Variants in CSMD2 observed in about 807,000 individuals in gnomAD.
The protein encoded by CSMD2 is CUB and sushi domain-containing protein 2.
Under a neutral mutation model 398.5 loss-of-function variants are expected in CSMD2, and 130 were observed. That is an observed-to-expected ratio of 0.33 (90% CI 0.28 to 0.38). The LOEUF (loss-of-function observed/expected upper bound fraction) is 0.38. Among genes scored for constraint, CSMD2 ranks in the 10% least tolerant of loss-of-function variants. CSMD2 has a pLI of 1.00. For synonymous variants in CSMD2, 1,828 were observed against 1,908.5 expected (o/e 0.96, Z 1.10); for missense variants, 3,829 against 4,764.9 (o/e 0.80, Z 5.78).
intron 42 of CSMD2, among the ~76,000 whole-genome samples, chr1:33,603,061 C>A (rs959815938): frequency 2.0e-5 from 3 of 152,070 alleles, no homozygotes; most frequent in African/African-American, 7.3e-5. Context: ...ATGTATTGAG[C>A]AGATAGTCTT....
intron 15 of CSMD2, among the ~76,000 whole-genome samples, chr1:33,729,568 GT>G (rs1418489214): frequency 6.7e-6 from 1 of 149,894 alleles, no homozygotes; most frequent in Admixed American, 6.7e-5. Context: ...CCATGCTGGT[GT>G]GCTGCACCCA....
intron 19 of CSMD2, 25 bp downstream of exon 19, chr1:33,724,172 G>A: frequency 1.3e-6 from 2 of 1,542,288 alleles, no homozygotes; most frequent in Non-Finnish European, 1.8e-6. Flanking sequence ...ACATCCCAAT[G>A]CCTGCTATGG....
intron 1 of CSMD2, among the ~76,000 whole-genome samples, chr1:34,090,474 T>G (rs1658427128): frequency 1.3e-5 from 2 of 152,170 alleles, no homozygotes; most frequent in African/African-American, 4.8e-5. Flanking sequence ...CATCCCTCTG[T>G]GGGCCAGGCC....
intron 1 of CSMD2, among the ~76,000 whole-genome samples, chr1:34,160,894 AT>A (rs1304746828): frequency 1.3e-5 from 2 of 152,176 alleles, no homozygotes; most frequent in Non-Finnish European, 2.9e-5. Context: ...CCATGATGTA[AT>A]TGGCACGGGA....
chr1:33,800,944 T>C (rs927310226), intron 10 of CSMD2, among the ~76,000 whole-genome samples: 7 of 151,862 alleles, frequency 4.6e-5, no homozygotes, highest in African/African-American at 1.7e-4. Context: ...AGAGAGGGTG[T>C]TTGAGTAAAT....
Position 33,514,211 on chromosome 1 carries a change from CATTTT to C in CSMD2, c.*2408_*2412del, listed in dbSNP as rs1170270820. 1 of 151,604 alleles carries C rather than the reference CATTTT, an allele frequency of 6.6e-6. No individual in the cohort carries two copies. The highest frequency in any genetic ancestry group is 2.4e-5 in the African/African-American group (1 of 41,116). The allele number at this position is 151,604 out of a possible 1,614,324, so 9.4% of individuals were successfully genotyped here. A position where few individuals can be genotyped will look rare whatever the true frequency, so the allele number is the denominator to read the frequency against. On this transcript the variant is annotated 3_prime_UTR_variant, in exon 71 of 71. Transcript: ENST00000373381. ...ATGTTTTCTGAAAACCATATTTATACATTTTATTACATTTACAAAAAAGGCTTCCA... is the reference window on the plus strand; with the variant it reads ...ATGTTTTCTGAAAACCATATTTATACATTACATTTACAAAAAAGGCTTCCA...
In CSMD2 at chr1:33,544,168, G is replaced by T. The variant is rs559186355; in HGVS notation, c.9101-1272C>A. 7.6e-5 allele frequency among the ~76,000 whole-genome samples: 11 copies of T among 144,464 alleles called. No individual in the cohort carries two copies. In the East Asian group the frequency reaches 1.2e-3, roughly 16 times the overall value. 94.8% of individuals were successfully genotyped at this position (144,464 alleles called of 152,430 possible). ...TTCGCCCAGGCTGAACTGCAGTGGC[G>T]CTATCTTGGCTCACTGCAAGCTCCG... On this transcript the variant is annotated intron_variant, in intron 57 of 70. Coordinates refer to ENST00000373381, the MANE Select transcript of CSMD2 (RefSeq NM_001281956.2).
chr1:33,930,926 T>A (rs749297660), intron 4 of CSMD2, among the ~76,000 whole-genome samples: 2 of 152,216 alleles, frequency 1.3e-5, no homozygotes, highest in Admixed American at 6.5e-5. Context: ...ACTCCTAGTC[T>A]GTGCTGTGTC....
At chr1:33,579,739 C>T (rs532217856) in intron 48 of CSMD2, among the ~76,000 whole-genome samples, 7 of 150,912 alleles carry the variant, frequency 4.6e-5, no homozygotes, top group African/African-American at 7.3e-5. Flanking sequence ...AGTGCAGTAG[C>T]GTGATCTCGG....
chr1:34,091,445 G>A (rs968245336), intron 1 of CSMD2, among the ~76,000 whole-genome samples: 47 of 152,088 alleles, frequency 3.1e-4, no homozygotes, highest in African/African-American at 1.0e-3. Context: ...ATTAAGTAAT[G>A]GGGCCCAAGT....
intron 12 of CSMD2, among the ~76,000 whole-genome samples, chr1:33,774,619 C>T (rs1459899981): frequency 6.6e-6 from 1 of 152,174 alleles, no homozygotes; most frequent in Non-Finnish European, 1.5e-5. Flanking sequence ...ATCCTTCCTG[C>T]TGCCAGGGGC....
At chr1:34,133,394 G>T (rs1342164445) in intron 1 of CSMD2, among the ~76,000 whole-genome samples, 1 of 152,168 alleles carries the variant, frequency 6.6e-6, no homozygotes, top group Non-Finnish European at 1.5e-5. Flanking sequence ...ACTCTGGGAG[G>T]CTCAGGTGGG....
In CSMD2 at chr1:33,656,132, G is replaced by A. The variant is rs571738037; in HGVS notation, c.4447+1814C>T. Among the ~76,000 whole-genome samples the A allele has an allele frequency of 1.0e-3, 157 of 152,172 alleles. 1 individual carries two copies. The highest frequency in any genetic ancestry group is 2.2e-4 in the Non-Finnish European group (15 of 68,000). The stretch of plus-strand genomic sequence containing the variant: ...GTCTGAAGACTTGAAAGAAGGAATC[G>A]AAGAAGGGAAGGATGAAAAGAAGGA... On this transcript the variant is annotated intron_variant, in intron 27 of 70. Coordinates refer to ENST00000373381, the MANE Select transcript of CSMD2 (RefSeq NM_001281956.2).
At chr1:33,785,697 A>C (rs1432232907) in intron 12 of CSMD2, among the ~76,000 whole-genome samples, 5 of 152,188 alleles carry the variant, frequency 3.3e-5, no homozygotes, top group African/African-American at 7.2e-5. Flanking sequence ...GCCCTATCCT[A>C]CCATGGAGGT....
intron 40 of CSMD2, among the ~76,000 whole-genome samples, chr1:33,613,451 C>T (rs1641179868): frequency 6.6e-6 from 1 of 152,108 alleles, no homozygotes; most frequent in Non-Finnish European, 1.5e-5. Flanking sequence ...CTCCCAGTTT[C>T]CTTCAGAAGA....
rs773624333 is a variant in CSMD2, at chr1:33,727,000, A to C, written c.2369-315T>G. 4.6e-4 allele frequency among the ~76,000 whole-genome samples: 70 copies of C among 152,216 alleles called. 1 individual carries two copies. The highest frequency in any genetic ancestry group is 1.7e-3 in the South Asian group (8 of 4,816). On this transcript the variant is annotated intron_variant, in intron 15 of 70. Transcript: ENST00000373381. Reference sequence around the variant, plus strand: ...GTGTTTTTCCTTCGTTCCTCACTCAATTGTCAGGCCTGAGGCAGGGGCATA... The same window carrying C: ...GTGTTTTTCCTTCGTTCCTCACTCACTTGTCAGGCCTGAGGCAGGGGCATA...
At chr1:33,739,457 A>T in intron 14 of CSMD2, 123 bp from the exon 15 acceptor site, 1 of 933,828 alleles carries the variant, frequency 1.1e-6, no homozygotes. Flanking sequence ...AGAACTTGCC[A>T]TGTTGGCGGG....
chr1:33,944,297 G>C (rs115174722), intron 3 of CSMD2, among the ~76,000 whole-genome samples: 1,565 of 152,220 alleles, frequency 0.01, 31 homozygotes, highest in African/African-American at 0.035. Flanking sequence ...GTCAACGATG[G>C]GAAGGGACTG....
chr1:33,589,854 C>T (rs925545925), intron 44 of CSMD2, among the ~76,000 whole-genome samples: 14 of 152,168 alleles, frequency 9.2e-5, no homozygotes, highest in African/African-American at 2.9e-4. Context: ...TATATTTTCC[C>T]AGTTTATCAT....
Sources: gnomAD v4.1 joint callset for allele counts (sites outside exome capture counted in the v4.1 genomes callset) on GRCh38, gnomAD v4.1.1 for gene constraint, MANE v1.5 for transcripts, NCBI Gene and HGNC (gene_info 2026-07-23, HGNC 2026-07-21) for gene names.